LYPD1: variants seen among roughly 807,000 people sequenced by gnomAD.
The protein encoded by LYPD1 is LY6/PLAUR domain containing 1.
LYPD1 carries 14 observed loss-of-function variants against 14.2 expected under a neutral mutation model. The observed-to-expected ratio is 0.99, with a 90% CI of 0.65 to 1.54. The LOEUF (loss-of-function observed/expected upper bound fraction) is 1.54, where lower values mean the gene tolerates loss of function less well. Ranked by LOEUF, LYPD1 falls within the 40% of genes most tolerant of loss-of-function variation. The pLI is 0.00. For missense variants in LYPD1, 165 were observed against 175.7 expected, an observed-to-expected ratio of 0.94 and a Z score of 0.34; for synonymous variants, 85 against 70.6, an observed-to-expected ratio of 1.20 and a Z score of -1.02.
chr2:132,668,558 G>A, intron 1 of LYPD1, 21 bp from the exon 2 acceptor site: 1 of 1,608,982 alleles, frequency 6.2e-7, no homozygotes, highest in Non-Finnish European at 8.5e-7. Flanking sequence ...GACGCAGTCG[G>A]GTTCAGATCC....
chr2:132,668,340 C>T, intron 2 of LYPD1, 60 bp downstream of exon 2: 2 of 1,524,024 alleles, frequency 1.3e-6, no homozygotes, highest in Non-Finnish European at 1.8e-6. Flanking sequence ...TTAATGGCCC[C>T]CTCACTCCCA....
intron 2 of LYPD1, among the ~76,000 whole-genome samples, chr2:132,649,178 A>C (rs1682260595): frequency 6.6e-6 from 1 of 152,188 alleles, no homozygotes. Context: ...CAGAGGAAGC[A>C]GGTAGGAGGT....
intron 2 of LYPD1, among the ~76,000 whole-genome samples, chr2:132,660,031 A>G (rs571455911): frequency 3.9e-5 from 6 of 152,258 alleles, no homozygotes; most frequent in Admixed American, 2.6e-4. Context: ...ACCCGTGTGC[A>G]GTATGCATGG....
At chr2:132,649,871 C>A (rs138186876) in intron 2 of LYPD1, among the ~76,000 whole-genome samples, 16 of 151,570 alleles carry the variant, frequency 1.1e-4, no homozygotes, top group East Asian at 5.8e-4. Flanking sequence ...CACTTTGGAA[C>A]CTTGGGAGAT....
intron 2 of LYPD1, among the ~76,000 whole-genome samples, chr2:132,649,432 GA>G (rs936792625): frequency 6.6e-6 from 1 of 152,176 alleles, no homozygotes; most frequent in Non-Finnish European, 1.5e-5. Flanking sequence ...GATAAAGAAA[GA>G]AAAGCTTTCC....
At chr2:132,659,373 A>G (rs1682799149) in intron 2 of LYPD1, among the ~76,000 whole-genome samples, 1 of 152,212 alleles carries the variant, frequency 6.6e-6, no homozygotes. Flanking sequence ...AGAGAGCATG[A>G]GAGAGTGTGC....
At chr2:132,658,161 A>G (rs1200900063) in intron 2 of LYPD1, among the ~76,000 whole-genome samples, 1 of 152,258 alleles carries the variant, frequency 6.6e-6, no homozygotes. Flanking sequence ...ACCTGAGGAC[A>G]AAAAGCCAAC....
At position 132,646,057 on chromosome 2, in the gene LYPD1, C is replaced by T. The variant is rs759690239; in HGVS notation, c.414G>A (p.Ser138=). ...ATCTCCTTCAGCTTCAGCAGTGTGC[C>T]GAGAAGAGGGCTAATTTGAGGAACA... ...TILFLKLALF[S]AHC The change falls in exon 3 of 3, where the codon TCG becomes TCA. Residue 138 remains serine, a synonymous_variant. Coordinates refer to ENST00000397463, the MANE Select transcript of LYPD1 (RefSeq NM_144586.7). 36 of 1,574,180 alleles carry T rather than the reference C, an allele frequency of 2.3e-5. No homozygotes were observed. The highest frequency in any genetic ancestry group is 4.6e-5 in the East Asian group (2 of 43,662).
rs559266778 is a variant in LYPD1, at chr2:132,644,645, A to T, written c.*1400T>A. Among the ~76,000 whole-genome samples the T allele has an allele frequency of 8.5e-5, 13 of 152,146 alleles. No individual in the cohort carries two copies. The highest frequency in any genetic ancestry group is 3.1e-4 in the African/African-American group (13 of 41,500). On this transcript the variant is annotated 3_prime_UTR_variant, in exon 3 of 3. Coordinates refer to ENST00000397463, the MANE Select transcript of LYPD1 (RefSeq NM_144586.7). ...GACACTTCTTCCATTTGATTTAAAAATATCACTAGGTCTTCTTTGTGCAGA... is the reference window on the plus strand; with the variant it reads ...GACACTTCTTCCATTTGATTTAAAATTATCACTAGGTCTTCTTTGTGCAGA...
chr2:132,650,725 A>C (rs552123440), intron 2 of LYPD1, among the ~76,000 whole-genome samples: 2,909 of 104,498 alleles, frequency 0.028, 103 homozygotes, highest in African/African-American at 0.1. Flanking sequence ...TAAAAAAAAA[A>C]AACAAAAAAC....
At chr2:132,665,891 T>A (rs540588417) in intron 2 of LYPD1, among the ~76,000 whole-genome samples, 1 of 152,332 alleles carries the variant, frequency 6.6e-6, no homozygotes, top group African/African-American at 2.4e-5. Flanking sequence ...GTCACTGGGC[T>A]CTTTCAGCTC....
intron 2 of LYPD1, among the ~76,000 whole-genome samples, chr2:132,651,669 C>G (rs1165347474): frequency 6.6e-6 from 1 of 152,216 alleles, no homozygotes; most frequent in Non-Finnish European, 1.5e-5. Flanking sequence ...GTACAGAGCT[C>G]TATTCTGATC....
chr2:132,667,363 AAT>A (rs1476209643), intron 2 of LYPD1, among the ~76,000 whole-genome samples: 1 of 152,214 alleles, frequency 6.6e-6, no homozygotes, highest in Non-Finnish European at 1.5e-5. Context: ...TGAGGATAGC[AAT>A]ATGACATTTC....
At chr2:132,648,189 G>A (rs1357549243) in intron 2 of LYPD1, among the ~76,000 whole-genome samples, 1 of 152,154 alleles carries the variant, frequency 6.6e-6, no homozygotes, top group Non-Finnish European at 1.5e-5. Context: ...TTATTCCTAA[G>A]TATGAAAAAC....
At chr2:132,647,494 G>GGCT (rs1553462755) in intron 2 of LYPD1, among the ~76,000 whole-genome samples, 5 of 152,218 alleles carry the variant, frequency 3.3e-5, no homozygotes, top group Admixed American at 2.6e-4. Context: ...CACCACACCC[G>GGCT]ACTAACTTTT....
At chr2:132,653,619 A>C (rs1339854191) in intron 2 of LYPD1, among the ~76,000 whole-genome samples, 2 of 152,206 alleles carry the variant, frequency 1.3e-5, no homozygotes, top group African/African-American at 2.4e-5. Flanking sequence ...TTGGAGGAGA[A>C]ACAGTGTATT....
intron 2 of LYPD1, among the ~76,000 whole-genome samples, chr2:132,656,976 T>C (rs2104911410): frequency 6.6e-6 from 1 of 152,358 alleles, no homozygotes; most frequent in South Asian, 2.1e-4. Context: ...AATGTGTTTC[T>C]GAAAACAACA....
At chr2:132,646,373 T>A in intron 2 of LYPD1, 93 bp from the exon 3 acceptor site, 1 of 794,424 alleles carries the variant, frequency 1.3e-6, no homozygotes, top group Non-Finnish European at 1.8e-6. Flanking sequence ...AGCTCTTCCT[T>A]ACTCCTCCCA....
At chr2:132,656,538 G>T (rs1170844765) in intron 2 of LYPD1, among the ~76,000 whole-genome samples, 3 of 152,024 alleles carry the variant, frequency 2.0e-5, no homozygotes, top group South Asian at 4.1e-4. Context: ...TTTTTTGTCT[G>T]AAAGAACACT....
Sources: allele counts gnomAD v4.1 joint callset (sites outside exome capture counted in the v4.1 genomes callset), GRCh38; gene constraint gnomAD v4.1.1; transcripts MANE v1.5; gene names NCBI Gene and HGNC (gene_info 2026-07-23, HGNC 2026-07-21).